Variants in ST6GALNAC3 observed in about 807,000 individuals in gnomAD.
ST6GALNAC3 encodes alpha-N-acetylgalactosaminide alpha-2,6-sialyltransferase 3.
Under a neutral mutation model 32.7 loss-of-function variants are expected in ST6GALNAC3, and 25 were observed. The observed-to-expected ratio is 0.76, with a 90% CI of 0.56 to 1.07. ST6GALNAC3 has a LOEUF of 1.07. ST6GALNAC3 is among the 50% of genes least tolerant of loss of function. The pLI is 0.00. For missense variants in ST6GALNAC3, 355 were observed against 382.4 expected, an observed-to-expected ratio of 0.93 and a Z score of 0.60; for synonymous variants, 129 against 133.1, an observed-to-expected ratio of 0.97 and a Z score of 0.21.
chr1:76,234,871 T>C (rs1337323521), intron 1 of ST6GALNAC3, among the ~76,000 whole-genome samples: 1 of 152,170 alleles, frequency 6.6e-6, no homozygotes, highest in Non-Finnish European at 1.5e-5. Context: ...ATCAATCAAA[T>C]TTACATTGCA....
intron 1 of ST6GALNAC3, among the ~76,000 whole-genome samples, chr1:76,235,214 CA>C (rs1351802668): frequency 4.6e-5 from 7 of 152,220 alleles, no homozygotes; most frequent in African/African-American, 1.7e-4. Context: ...CAAGTGCTAA[CA>C]TTTGCCCAAG....
At chr1:76,568,093 G>A (rs1665653962) in intron 3 of ST6GALNAC3, among the ~76,000 whole-genome samples, 1 of 152,176 alleles carries the variant, frequency 6.6e-6, no homozygotes, top group Non-Finnish European at 1.5e-5. Flanking sequence ...CCAGCGCCTA[G>A]CAGAATGCCT....
At chr1:76,289,893 G>A (rs1480844282) in intron 1 of ST6GALNAC3, among the ~76,000 whole-genome samples, 1 of 152,204 alleles carries the variant, frequency 6.6e-6, no homozygotes, top group Non-Finnish European at 1.5e-5. Flanking sequence ...GGGAACAGAG[G>A]GAGGAGGGAA....
chr1:76,504,599 C>G (rs1342534805), intron 3 of ST6GALNAC3, among the ~76,000 whole-genome samples: 1 of 152,092 alleles, frequency 6.6e-6, no homozygotes. Flanking sequence ...AGAAACCCAA[C>G]TGATGCTCGA....
At chr1:76,297,813 C>A (rs1329804743) in intron 1 of ST6GALNAC3, among the ~76,000 whole-genome samples, 2 of 151,980 alleles carry the variant, frequency 1.3e-5, no homozygotes, top group African/African-American at 4.8e-5. Context: ...TGTACTGTAT[C>A]TGTTTGTTTT....
At chr1:76,432,830 CT>C (rs1417012354) in intron 3 of ST6GALNAC3, among the ~76,000 whole-genome samples, 1 of 152,096 alleles carries the variant, frequency 6.6e-6, no homozygotes, top group Non-Finnish European at 1.5e-5. Context: ...AACTTGAAGT[CT>C]TTTTCCTTCA....
intron 3 of ST6GALNAC3, among the ~76,000 whole-genome samples, chr1:76,576,205 T>C (rs893702878): frequency 3.3e-5 from 5 of 152,040 alleles, no homozygotes; most frequent in African/African-American, 1.2e-4. Context: ...TGATTAGTTA[T>C]TGGCAATTAG....
chr1:76,233,654 T>C (rs1656490280), intron 1 of ST6GALNAC3, among the ~76,000 whole-genome samples: 1 of 152,254 alleles, frequency 6.6e-6, no homozygotes, highest in Non-Finnish European at 1.5e-5. Context: ...TCCTCATTGC[T>C]AAGAACTTCA....
At chr1:76,566,590 C>T (rs186574947) in intron 3 of ST6GALNAC3, among the ~76,000 whole-genome samples, 24 of 152,182 alleles carry the variant, frequency 1.6e-4, no homozygotes, top group African/African-American at 5.1e-4. Flanking sequence ...CTCTTCCCTG[C>T]GCTACCCAGT....
chr1:76,613,618 G>A (rs1345204309), intron 3 of ST6GALNAC3, among the ~76,000 whole-genome samples: 2 of 152,224 alleles, frequency 1.3e-5, no homozygotes, highest in Non-Finnish European at 2.9e-5. Context: ...GGATCATGGG[G>A]ACAGACATCC....
At chr1:76,215,394 C>G (rs1655396685) in intron 1 of ST6GALNAC3, among the ~76,000 whole-genome samples, 1 of 152,114 alleles carries the variant, frequency 6.6e-6, no homozygotes, top group South Asian at 2.1e-4. Flanking sequence ...AGTAGCACAT[C>G]AGAACGCCTA....
chr1:76,635,211 TCTC>T (rs1649475463), downstream of ST6GALNAC3, among the ~76,000 whole-genome samples: 1 of 152,178 alleles, frequency 6.6e-6, no homozygotes, highest in Admixed American at 6.5e-5. Flanking sequence ...TACTTTCCTC[TCTC>T]CTCTTATTTT....
chr1:76,601,146 T>C (rs543692736), intron 3 of ST6GALNAC3, among the ~76,000 whole-genome samples: 1 of 152,142 alleles, frequency 6.6e-6, no homozygotes, highest in East Asian at 1.9e-4. Flanking sequence ...TACAGTGAGC[T>C]GAGATCATGC....
intron 1 of ST6GALNAC3, among the ~76,000 whole-genome samples, chr1:76,233,531 T>C (rs1656485340): frequency 6.6e-6 from 1 of 152,210 alleles, no homozygotes; most frequent in Non-Finnish European, 1.5e-5. Context: ...ACAAAGGGCA[T>C]GCACTGGTAT....
intron 1 of ST6GALNAC3, among the ~76,000 whole-genome samples, chr1:76,244,513 C>T (rs1048581047): frequency 6.6e-6 from 1 of 152,240 alleles, no homozygotes; most frequent in Non-Finnish European, 1.5e-5. Flanking sequence ...AGAGGGCATT[C>T]TTGTCTTGTG....
chr1:76,294,555 G>A (rs1660283390), intron 1 of ST6GALNAC3, among the ~76,000 whole-genome samples: 1 of 151,996 alleles, frequency 6.6e-6, no homozygotes, highest in African/African-American at 2.4e-5. Flanking sequence ...AACCTGCCCG[G>A]AATAAAACTG....
chr1:76,267,484 C>A (rs1658599185), intron 1 of ST6GALNAC3, among the ~76,000 whole-genome samples: 2 of 152,158 alleles, frequency 1.3e-5, no homozygotes. Flanking sequence ...ACTCTCACTG[C>A]ATTTTTTTAC....
At position 76,074,863 on chromosome 1, in the gene ST6GALNAC3, C is replaced by T. The variant is rs780352242; in HGVS notation, c.-4C>T. 2.5e-6 allele frequency: 4 copies of T among 1,591,414 alleles called. No homozygotes were observed. Among genetic ancestry groups the T allele is most frequent in the Non-Finnish European group, 3.4e-6 (4 of 1,169,636 alleles). On this transcript the variant is annotated 5_prime_UTR_variant, in exon 1 of 5. Coordinates refer to ENST00000328299, the MANE Select transcript of ST6GALNAC3 (RefSeq NM_152996.4). The stretch of plus-strand genomic sequence containing the variant: ...CTCGGTGGCAGGAGGGCCGGCGGAG[C>T]GCCATGGCCTGCATCCTGAAGGTAA...
intron 3 of ST6GALNAC3, among the ~76,000 whole-genome samples, chr1:76,449,807 T>C (rs1657257365): frequency 6.6e-6 from 1 of 152,250 alleles, no homozygotes; most frequent in Admixed American, 6.5e-5. Context: ...TCATTTATTT[T>C]AATCAATTTA....
Sources: gnomAD v4.1 joint callset for allele counts (sites outside exome capture counted in the v4.1 genomes callset) on GRCh38, gnomAD v4.1.1 for gene constraint, MANE v1.5 for transcripts, NCBI Gene and HGNC (gene_info 2026-07-23, HGNC 2026-07-21) for gene names.